Variants in AHNAK2 observed in about 807,000 individuals in gnomAD.
AHNAK2 encodes protein AHNAK2.
AHNAK2 carries 18 observed loss-of-function variants against 30.7 expected under a neutral mutation model. The ratio of observed to expected loss-of-function variants is 0.59; its 90% CI spans 0.41 to 0.87. The LOEUF (loss-of-function observed/expected upper bound fraction) is 0.87, where lower values mean the gene tolerates loss of function less well. Ranked by LOEUF, AHNAK2 falls within the 40% of genes least tolerant of loss-of-function variation. The pLI, the probability that AHNAK2 is intolerant of heterozygous loss-of-function variation, is 0.00. For missense variants in AHNAK2, 8,604 were observed against 7,373.0 expected, an observed-to-expected ratio of 1.17 and a Z score of -6.11; for synonymous variants, 3,590 against 3,073.8, an observed-to-expected ratio of 1.17 and a Z score of -5.56.
At chr14:104,976,570 T>C (rs554151654) in intron 1 of AHNAK2, among the ~76,000 whole-genome samples, 6 of 152,266 alleles carry the variant, frequency 3.9e-5, no homozygotes, top group Non-Finnish European at 8.8e-5. Context: ...TCCCAAGGTC[T>C]CTGATCTTGC....
chr14:104,950,393 C>T lies in AHNAK2; in HGVS notation c.5058G>A (p.Pro1686=), dbSNP rs184146706. The change falls in exon 7 of 7, where the codon CCG becomes CCA. Residue 1686 remains proline (P), a synonymous_variant. Coordinates refer to ENST00000333244, the MANE Select transcript of AHNAK2 (RefSeq NM_138420.4). The part of the protein sequence containing the change: ...SIEASVDVSE[P]KVEADVSLPS... ...GGAGGCTCACATCAGCTTCCACCTT[C>T]GGCTCAGACACATCCACCGAGGCCT... 4.5e-5 allele frequency: 71 copies of T among 1,586,116 alleles called. 4 individuals carry two copies. The East Asian group carries it at 7.0e-4, about 16-fold the overall frequency.
chr14:104,950,300 G>C lies in AHNAK2; in HGVS notation c.5151C>G (p.Val1717=), dbSNP rs1364903785. The C allele has an allele frequency of 2.5e-6, 4 of 1,585,394 alleles. No individual in the cohort carries two copies. The highest frequency in any genetic ancestry group is 1.1e-5 in the South Asian group (1 of 89,760). Residue 1717 remains valine (V), a synonymous_variant, in exon 7 of 7, where the codon GTC becomes GTG. Coordinates refer to ENST00000333244, the MANE Select transcript of AHNAK2 (RefSeq NM_138420.4). ...GTTTCACGTTCACTTGGCCAGCCTG[G>C]ACCTCCAGGTCGGCGGAAGGGGACT... The part of the protein sequence containing the change: ...SIQSPSADLE[V]QAGQVNVKLP...
chr14:104,953,669 T>C lies in AHNAK2; in HGVS notation c.1782A>G (p.Pro594=), dbSNP rs955491311. ...CTCTGCCTGTCTTTGTGTGCTTGCT[T>C]GGCGACCATCCTAAGGAGGGTATCT... ...KFKIPSLGWS[P]SKHTKTGREK... The change falls in exon 7 of 7, where the codon CCA becomes CCG. Residue 594 remains proline (P), a synonymous_variant. Transcript: ENST00000333244. 6.8e-6 allele frequency: 11 copies of C among 1,613,776 alleles called. No homozygotes were observed. Among genetic ancestry groups the C allele is most frequent in the Non-Finnish European group, 8.5e-6 (10 of 1,179,872 alleles).
chr14:104,954,551 T>C lies in AHNAK2; in HGVS notation c.900A>G (p.Thr300=). The change falls in exon 7 of 7, where the codon ACA becomes ACG. Residue 300 remains threonine (T), a synonymous_variant. Transcript: ENST00000333244. The surrounding 1 kb of genome is among the most constrained non-coding windows in gnomAD (Gnocchi z 4.3). ...GGCGCTCCACCGTGAGCTGGGCCTC[T>C]GTGTCTGTGCTTGTAGGGGACACGT... ...AHDVSPTSTD[T]EAQLTVERQE... 1.2e-6 allele frequency: 2 copies of C among 1,609,468 alleles called. No homozygotes were observed. The highest frequency in any genetic ancestry group is 1.7e-6 in the Non-Finnish European group (2 of 1,177,956).
In AHNAK2 at chr14:104,949,871, G is replaced by A. The variant is rs749269250; in HGVS notation, c.5580C>T (p.Pro1860=). ...TGGTCTTGAGGTCCCCCTGCATGGAGGGGAGGCTCACTTCGGCCTCCACCT... is the reference window on the plus strand; with the variant it reads ...TGGTCTTGAGGTCCCCCTGCATGGAAGGGAGGCTCACTTCGGCCTCCACCT... The part of the protein sequence containing the change: ...APKVEAEVSL[P]SMQGDLKTTD... The change falls in exon 7 of 7, where the codon CCC becomes CCT. Residue 1860 remains proline, a synonymous_variant. Coordinates refer to ENST00000333244, the MANE Select transcript of AHNAK2 (RefSeq NM_138420.4). 1.4e-5 allele frequency: 22 copies of A among 1,588,176 alleles called. 1 individual carries two copies. The highest frequency in any genetic ancestry group is 6.7e-5 in the East Asian group (3 of 44,766).
At chr14:104,969,084 C>T (rs1899399781) in intron 1 of AHNAK2, among the ~76,000 whole-genome samples, 2 of 152,208 alleles carry the variant, frequency 1.3e-5, no homozygotes, top group South Asian at 2.1e-4. Flanking sequence ...CGCCCCTCCC[C>T]GATGCTTCTT....
chr14:104,950,212 G>A lies in AHNAK2; in HGVS notation c.5239C>T (p.Pro1747Ser). 6.3e-7 allele frequency: 1 copy of A among 1,585,794 alleles called. No individual in the cohort carries two copies. Among genetic ancestry groups the A allele is most frequent in the Non-Finnish European group, 8.6e-7 (1 of 1,162,754 alleles). The change falls in exon 7 of 7, where the codon CCC becomes TCC. Residue 1747 changes from proline (P) to serine (S), a missense_variant. Physicochemically the swap from Pro to Ser is moderately conservative, Grantham distance 74 (BLOSUM62 -1). Coordinates refer to ENST00000333244, the MANE Select transcript of AHNAK2 (RefSeq NM_138420.4). ...GCCACTTTGGGCATCTTCAAACTGG[G>A]CATCTGCACCTTGGGGAGGTGCCCT... ...FKGHLPKVQM[P>S]SLKMPKVALK...
In AHNAK2 at chr14:104,947,011, T is replaced by C. The variant is rs1898316293; in HGVS notation, c.8440A>G (p.Lys2814Glu). The change falls in exon 7 of 7, where the codon AAA becomes GAA. Residue 2814 changes from lysine to glutamate, a missense_variant. Coordinates refer to ENST00000333244, the MANE Select transcript of AHNAK2 (RefSeq NM_138420.4). ...KGMTAKDSKF[K>E]MPKFKMPSFG... ...GACGGCATCTTGAACTTGGGCATTT[T>C]GAACTTGCTGTCTTTGGCTGTCATG... 1 of 1,612,098 alleles carries C rather than the reference T, an allele frequency of 6.2e-7. No individual in the cohort carries two copies. Among genetic ancestry groups the C allele is most frequent in the Non-Finnish European group, 8.5e-7 (1 of 1,179,536 alleles).
Position 104,939,058 on chromosome 14 carries a change from C to T in AHNAK2, c.16393G>A (p.Val5465Met). The change falls in exon 7 of 7, where the codon GTG (valine) becomes ATG (methionine). Residue 5465 changes from valine to methionine, a missense_variant. Coordinates refer to ENST00000333244, the MANE Select transcript of AHNAK2 (RefSeq NM_138420.4). Reference protein sequence around the residue: ...LEAPPISKVRVHIQGAQVESQ... With the variant: ...LEAPPISKVRMHIQGAQVESQ... ...TCAACCTGAGCACCCTGAATATGCA[C>T]TCTGACCTTTGAAATTGGGGGAGCT... The T allele has an allele frequency of 6.2e-7, 1 of 1,606,030 alleles. No homozygotes were observed. The highest frequency in any genetic ancestry group is 8.5e-7 in the Non-Finnish European group (1 of 1,176,166).
In AHNAK2 at chr14:104,946,357, AG is replaced by A. The variant is rs746543823; in HGVS notation, c.9093del (p.Ser3032LeufsTer13). ...LKTTDISIEP[P>X]SAQLEVQAGQ... ...CCAGCCTGGACCTCCAGTTGGGCAG[AG>A]GGGGGCTCAATGCTGATGTCAGTGG... On this transcript the variant is annotated frameshift_variant, in exon 7 of 7. Transcript: ENST00000333244. LOFTEE classifies it low-confidence loss of function (END_TRUNC). 7 of 1,611,692 alleles carry A rather than the reference AG, an allele frequency of 4.3e-6. No individual in the cohort carries two copies. The Admixed American group carries it at 6.7e-5, about 15-fold the overall frequency.
rs763728740 is a variant in AHNAK2 at position 104,951,745 on chromosome 14, C to T, written c.3706G>A (p.Val1236Met). 2.2e-5 allele frequency: 27 copies of T among 1,248,640 alleles called. 5 individuals are homozygous for T. Among genetic ancestry groups the T allele is most frequent in the Admixed American group, 9.3e-5 (5 of 53,686 alleles). 77.3% of individuals were successfully genotyped at this position (1,248,640 alleles called of 1,614,324 possible). Residue 1236 changes from valine to methionine, a missense_variant, in exon 7 of 7, where the codon GTG becomes ATG. Val to Met is a conservative substitution (Grantham distance 21). Transcript: ENST00000333244. ...QVDVKLLEGH[V>M]PEGAGFKGHL... is the part of the protein sequence containing the mutation. ...CCTTTGAAGCCGGCTCCCTCAGGCA[C>T]GTGGCCCTCCAGGAGCTTCACGTCC...
rs1256963299 is a variant in AHNAK2 at position 104,944,023 on chromosome 14, T to A, written c.11428A>T (p.Met3810Leu). The A allele has an allele frequency of 1.9e-6, 3 of 1,612,710 alleles. No individual in the cohort carries two copies. In the African/African-American group the frequency reaches 4.0e-5, roughly 22 times the overall value. Residue 3810 changes from methionine to leucine, a missense_variant, in exon 7 of 7, where the codon ATG (methionine) becomes TTG (leucine). By Grantham distance (15) the Met-to-Leu change is conservative. Transcript: ENST00000333244. ...GGGGCAGACACCCCAAATGACGGCA[T>A]CTTGAACTTGGGCATTTTGAATTTG... is the stretch of plus-strand genomic sequence containing the variant. Reference protein sequence around the residue: ...DSKFKMPKFKMPSFGVSAPGK... With the variant: ...DSKFKMPKFKLPSFGVSAPGK...
In AHNAK2 at chr14:104,948,589, C is replaced by T. The variant is rs74090122; in HGVS notation, c.6862G>A (p.Val2288Ile). 1.5e-3 allele frequency: 2,427 copies of T among 1,612,636 alleles called. 136 individuals are homozygous for T. The African/African-American group carries it at 0.028, about 18-fold the overall frequency. The change falls in exon 7 of 7, where the codon GTC becomes ATC. Residue 2288 changes from valine (V) to isoleucine (I), a missense_variant. Val to Ile is a conservative substitution (Grantham distance 29, BLOSUM62 3). Coordinates refer to ENST00000333244, the MANE Select transcript of AHNAK2 (RefSeq NM_138420.4). ...TCCAGCTTGGCTCCTGGGGCCTTGACGTCCACCTCCACGCTGGGCAGAGAC... is the reference window on the plus strand; with the variant it reads ...TCCAGCTTGGCTCCTGGGGCCTTGATGTCCACCTCCACGCTGGGCAGAGAC... Reference protein sequence around the residue: ...EVSLPSVEVDVKAPGAKLDGA... With the variant: ...EVSLPSVEVDIKAPGAKLDGA...
At position 104,953,213 on chromosome 14, in the gene AHNAK2, G is replaced by A. The variant is rs768588840; in HGVS notation, c.2238C>T (p.Gly746=). ...DGQVDVKLPE[G]PLPEGASLKG... ...TGAGGCTGGCTCCCTCGGGCAGGGG[G>A]CCCTCCGGAAGTTTCACATCCACTT... Residue 746 remains glycine, a synonymous_variant, in exon 7 of 7, where the codon GGC becomes GGT. Transcript: ENST00000333244. 1 of 1,612,932 alleles carries A rather than the reference G, an allele frequency of 6.2e-7. No individual in the cohort carries two copies. Among genetic ancestry groups the A allele is most frequent in the Non-Finnish European group, 8.5e-7 (1 of 1,179,630 alleles).
chr14:104,950,273 G>A lies in AHNAK2; in HGVS notation c.5178C>T (p.Leu1726=), dbSNP rs1566913436. ...CTCCCTCGGGAAGGGGGCCCTCCGG[G>A]AGTTTCACGTTCACTTGGCCAGCCT... ...EVQAGQVNVK[L]PEGPLPEGAG... Residue 1726 remains leucine (L), a synonymous_variant, in exon 7 of 7, where the codon CTC becomes CTT. Coordinates refer to ENST00000333244, the MANE Select transcript of AHNAK2 (RefSeq NM_138420.4). The A allele has an allele frequency of 3.2e-6, 5 of 1,585,802 alleles. 1 individual carries two copies. Among genetic ancestry groups the A allele is most frequent in the Non-Finnish European group, 4.3e-6 (5 of 1,162,906 alleles).
intron 1 of AHNAK2, among the ~76,000 whole-genome samples, chr14:104,975,560 G>C (rs1022439383): frequency 3.3e-5 from 5 of 152,222 alleles, no homozygotes; most frequent in Non-Finnish European, 2.9e-5. Context: ...CACCCTGCCT[G>C]GTGGGGCAGG....
At chr14:104,960,176 CAT>C (rs1472671378) in intron 1 of AHNAK2, among the ~76,000 whole-genome samples, 1 of 152,152 alleles carries the variant, frequency 6.6e-6, no homozygotes, top group African/African-American at 2.4e-5. Context: ...AGGATTATAA[CAT>C]ATATAGATAC....
In AHNAK2 at chr14:104,941,996, C is replaced by T. The variant is rs779887227; in HGVS notation, c.13455G>A (p.Ser4485=). 1.7e-5 allele frequency: 28 copies of T among 1,613,418 alleles called. No homozygotes were observed. Among genetic ancestry groups the T allele is most frequent in the Middle Eastern group, 1.6e-4 (1 of 6,082 alleles). Residue 4485 remains serine, a synonymous_variant, in exon 7 of 7, where the codon TCG becomes TCA. Transcript: ENST00000333244. The part of the protein sequence containing the change: ...MLSPGKSIEV[S]VDVSAPKMEA... ...CCATCTTTGGCGCAGACACATCCAC[C>T]GAGACCTCGATGGACTTGCCTGGGG...
In AHNAK2 at chr14:104,954,398, G is replaced by A. The variant is rs1898904985; in HGVS notation, c.1053C>T (p.Gly351=). ...QPGRGFQSGV[G]RAGVLEELGP... is the part of the protein sequence containing the mutation. ...CCAACTCTTCCAGGACCCCAGCACGGCCCACCCCACTCTGGAACCCCCTGC... is the reference window on the plus strand; with the variant it reads ...CCAACTCTTCCAGGACCCCAGCACGACCCACCCCACTCTGGAACCCCCTGC... Residue 351 remains glycine, a synonymous_variant, in exon 7 of 7, where the codon GGC becomes GGT. Transcript: ENST00000333244. This position sits in a 1 kb window ranked among gnomAD's most constrained non-coding sequence, Gnocchi z 4.3. The A allele has an allele frequency of 1.2e-6, 2 of 1,612,814 alleles. No homozygotes were observed. Among genetic ancestry groups the A allele is most frequent in the Non-Finnish European group, 1.7e-6 (2 of 1,179,762 alleles).
Sources: allele counts gnomAD v4.1 joint callset (sites outside exome capture counted in the v4.1 genomes callset), GRCh38; gene constraint gnomAD v4.1.1; non-coding constraint Gnocchi (gnomAD v3.1); transcripts MANE v1.5; gene names NCBI Gene and HGNC (gene_info 2026-07-23, HGNC 2026-07-21).